Variants in ADCY8 observed in about 807,000 individuals in gnomAD.
ADCY8 encodes the protein adenylate cyclase type 8.
In ADCY8, 51 loss-of-function variants were observed where a neutral mutation model predicts 119.7. The ratio of observed to expected loss-of-function variants is 0.43; its 90% CI spans 0.34 to 0.54. The LOEUF (loss-of-function observed/expected upper bound fraction) is 0.54, where lower values mean the gene tolerates loss of function less well. Ranked by LOEUF, ADCY8 falls within the 20% of genes least tolerant of loss-of-function variation. The pLI is 0.03. For synonymous variants in ADCY8, 665 were observed against 651.0 expected (o/e 1.02, Z -0.33); for missense variants, 1,383 against 1,598.8 (o/e 0.87, Z 2.30).
chr8:130,819,662 T>C (rs535658949), intron 13 of ADCY8, among the ~76,000 whole-genome samples: 1 of 152,336 alleles, frequency 6.6e-6, no homozygotes, highest in South Asian at 2.1e-4. Flanking sequence ...AATCTGTTTT[T>C]GTAGTTCTCA....
intron 1 of ADCY8, among the ~76,000 whole-genome samples, chr8:130,998,509 C>T (rs1423091312): frequency 6.6e-6 from 1 of 152,084 alleles, no homozygotes; most frequent in African/African-American, 2.4e-5. Flanking sequence ...CTCAAAGGGC[C>T]AGACCATGGA....
intron 9 of ADCY8, among the ~76,000 whole-genome samples, chr8:130,862,131 G>A (rs577627357): frequency 3.9e-4 from 59 of 152,198 alleles, no homozygotes; most frequent in Non-Finnish European, 7.4e-4. Context: ...TTGGTCGGTA[G>A]TAACTAGATT....
chr8:130,820,090 G>A (rs1032049947), intron 13 of ADCY8, among the ~76,000 whole-genome samples: 1 of 152,176 alleles, frequency 6.6e-6, no homozygotes, highest in African/African-American at 2.4e-5. Flanking sequence ...GATTAAATGA[G>A]AATAGAGAGA....
At chr8:130,929,516 T>A (rs543945073) in intron 5 of ADCY8, among the ~76,000 whole-genome samples, 1 of 152,338 alleles carries the variant, frequency 6.6e-6, no homozygotes, top group African/African-American at 2.4e-5. Flanking sequence ...ATGATTTGAA[T>A]CTTCTTAAAT....
intron 4 of ADCY8, among the ~76,000 whole-genome samples, chr8:130,941,374 C>A (rs989588310): frequency 2.0e-5 from 3 of 152,106 alleles, no homozygotes; most frequent in East Asian, 1.9e-4. Flanking sequence ...GAAAAAGTAC[C>A]CTTTCTCTTT....
chr8:131,018,935 T>C (rs1450977592), intron 1 of ADCY8, among the ~76,000 whole-genome samples: 2 of 152,200 alleles, frequency 1.3e-5, no homozygotes, highest in African/African-American at 4.8e-5. Flanking sequence ...AGGTCTATTT[T>C]TGTTGTTATC....
intron 9 of ADCY8, among the ~76,000 whole-genome samples, chr8:130,852,772 A>G (rs263239): frequency 0.85 from 129,142 of 151,858 alleles, 55,166 homozygotes; most frequent in African/African-American, 0.94. Flanking sequence ...CATGGTCTGG[A>G]CAATGCTGAA....
At chr8:131,016,627 T>C (rs565732132) in intron 1 of ADCY8, among the ~76,000 whole-genome samples, 2 of 152,182 alleles carry the variant, frequency 1.3e-5, no homozygotes, top group South Asian at 4.2e-4. Context: ...GCAGAGGGAA[T>C]AGCCAGTGGT....
chr8:130,807,894 G>C (rs34168179), intron 14 of ADCY8, among the ~76,000 whole-genome samples: 99 of 139,260 alleles, frequency 7.1e-4, no homozygotes, highest in Non-Finnish European at 1.3e-3. Context: ...TGAGGCAGGA[G>C]AATGGCGTGA....
At chr8:130,874,165 G>T (rs1818470509) in intron 8 of ADCY8, among the ~76,000 whole-genome samples, 1 of 151,962 alleles carries the variant, frequency 6.6e-6, no homozygotes, top group African/African-American at 2.4e-5. Context: ...AAAATTAGCT[G>T]GGTGTGGTGG....
intron 14 of ADCY8, among the ~76,000 whole-genome samples, chr8:130,804,963 T>C (rs557871846): frequency 5.9e-3 from 893 of 152,282 alleles, no homozygotes; most frequent in Non-Finnish European, 9.2e-3. Context: ...GCCAGGCTGG[T>C]CTTGAACTCC....
intron 7 of ADCY8, among the ~76,000 whole-genome samples, chr8:130,902,734 A>G (rs1018048771): frequency 1.6e-4 from 25 of 152,158 alleles, no homozygotes; most frequent in Non-Finnish European, 8.8e-5. Context: ...TGGAATTTAA[A>G]AATTAACCCT....
At chr8:130,923,688 C>T (rs1820381027) in intron 5 of ADCY8, among the ~76,000 whole-genome samples, 1 of 152,164 alleles carries the variant, frequency 6.6e-6, no homozygotes, top group Non-Finnish European at 1.5e-5. Flanking sequence ...AGAGAAGCCA[C>T]CTGGAGCCAC....
Position 130,814,227 on chromosome 8 carries a change from G to A in ADCY8, c.2755C>T (p.Leu919=). The change falls in exon 14 of 18, where the codon CTG becomes TTG. Residue 919 remains leucine, a splice_region_variant and synonymous_variant. Coordinates refer to ENST00000286355, the MANE Select transcript of ADCY8 (RefSeq NM_001115.3). The part of the protein sequence containing the change: ...LLAVFYHGQQ[L]EYTARLDFLW... The stretch of plus-strand genomic sequence containing the variant: ...AAGTCCAGGCGGGCTGTGTACTCCA[G>A]CTGCAGTACATGTGAGAGAAAGAGG... 6.2e-7 allele frequency: 1 copy of A among 1,613,872 alleles called. No homozygotes were observed. The highest frequency in any genetic ancestry group is 1.3e-5 in the African/African-American group (1 of 75,040).
At chr8:130,906,846 A>T (rs1219499615) in intron 6 of ADCY8, among the ~76,000 whole-genome samples, 1 of 151,256 alleles carries the variant, frequency 6.6e-6, no homozygotes, top group Non-Finnish European at 1.5e-5. Context: ...TGCCCCATGG[A>T]TTATCTCATA....
rs1824331114 is a variant in ADCY8, at chr8:131,040,138, C to G, written c.196G>C (p.Gly66Arg). 1 of 1,532,190 alleles carries G rather than the reference C, an allele frequency of 6.5e-7. No homozygotes were observed. 94.9% of individuals were successfully genotyped at this position (1,532,190 alleles called of 1,614,324 possible). A position where few individuals can be genotyped will look rare whatever the true frequency, so the allele number is the denominator to read the frequency against. ...GGSGSGSGGS[G>R]KASDPAGGGP... The stretch of plus-strand genomic sequence containing the variant: ...CCGCCCGCAGGGTCCGAGGCTTTGC[C>G]CGAGCCTCCACTCCCGCTGCCGCTG... Residue 66 changes from glycine to arginine, a missense_variant, in exon 1 of 18, where the codon GGC becomes CGC. Transcript: ENST00000286355.
At chr8:130,867,775 C>A in intron 9 of ADCY8, 71 bp downstream of exon 9, 3 of 1,110,142 alleles carry the variant, frequency 2.7e-6, no homozygotes, top group South Asian at 2.9e-5. Flanking sequence ...TTTGAAAAGT[C>A]AGCTGGCTGA....
At chr8:130,780,914 A>G in intron 17 of ADCY8, 37 bp from the exon 18 acceptor site, 1 of 1,603,016 alleles carries the variant, frequency 6.2e-7, no homozygotes, top group Non-Finnish European at 8.5e-7. Context: ...AGTCAGAGGG[A>G]GAAGGGGGAC....
At chr8:130,830,040 C>T (rs964704947) in intron 12 of ADCY8, among the ~76,000 whole-genome samples, 1 of 152,216 alleles carries the variant, frequency 6.6e-6, no homozygotes, top group African/African-American at 2.4e-5. Context: ...AAACCTTTGT[C>T]ATCCAACACC....
Sources: gnomAD v4.1 joint callset for allele counts (sites outside exome capture counted in the v4.1 genomes callset) on GRCh38, gnomAD v4.1.1 for gene constraint, MANE v1.5 for transcripts, NCBI Gene and HGNC (gene_info 2026-07-23, HGNC 2026-07-21) for gene names.